Variants in WWOX observed in about 807,000 individuals in gnomAD.
The protein encoded by WWOX is WW domain containing oxidoreductase.
In WWOX, 69 loss-of-function variants were observed where a neutral mutation model predicts 46.2. That is an observed-to-expected ratio of 1.49 (90% CI 1.23 to 1.82). The LOEUF is 1.82. Ranked by LOEUF, WWOX falls within the 40% of genes most tolerant of loss-of-function variation. The pLI is 0.00. For missense variants in WWOX, 919 were observed against 542.6 expected, an observed-to-expected ratio of 1.69 and a Z score of -6.89; for synonymous variants, 359 against 202.6, an observed-to-expected ratio of 1.77 and a Z score of -6.56.
intron 8 of WWOX, among the ~76,000 whole-genome samples, chr16:78,688,194 A>G (rs2047905381): frequency 6.6e-6 from 1 of 151,940 alleles, no homozygotes; most frequent in East Asian, 1.9e-4. Context: ...TTGTGTAGAT[A>G]AAAGTGACAA....
At chr16:78,769,300 C>G (rs1001428283) in intron 8 of WWOX, among the ~76,000 whole-genome samples, 4 of 152,152 alleles carry the variant, frequency 2.6e-5, no homozygotes, top group African/African-American at 9.7e-5. Context: ...GTCTGTCCAT[C>G]CATCCATCCA....
intron 8 of WWOX, among the ~76,000 whole-genome samples, chr16:78,723,161 G>A (rs1053246995): frequency 1.3e-5 from 2 of 152,186 alleles, no homozygotes; most frequent in African/African-American, 4.8e-5. Flanking sequence ...GCTTGTGTTC[G>A]TTAATAGAAC....
intron 8 of WWOX, among the ~76,000 whole-genome samples, chr16:79,109,662 C>T (rs550893289): frequency 1.3e-5 from 2 of 152,272 alleles, no homozygotes; most frequent in African/African-American, 2.4e-5. Context: ...GGGTATTTCG[C>T]TCCAAGTTTG....
chr16:78,835,916 C>T (rs2051969015), intron 8 of WWOX, among the ~76,000 whole-genome samples: 4 of 152,140 alleles, frequency 2.6e-5, no homozygotes, highest in Admixed American at 6.5e-5. Flanking sequence ...GTTGTATCCT[C>T]AGATATATTT....
intron 6 of WWOX, among the ~76,000 whole-genome samples, chr16:78,395,661 A>T (rs1218515982): frequency 6.6e-6 from 1 of 152,242 alleles, no homozygotes; most frequent in East Asian, 1.9e-4. Flanking sequence ...TAGGGTGACA[A>T]GAGCCAAGAG....
chr16:78,938,066 A>C (rs2045778477), intron 8 of WWOX, among the ~76,000 whole-genome samples: 1 of 152,206 alleles, frequency 6.6e-6, no homozygotes, highest in African/African-American at 2.4e-5. Flanking sequence ...AAGTCTGGGC[A>C]GCCAGCAGCA....
intron 8 of WWOX, among the ~76,000 whole-genome samples, chr16:78,514,073 A>G (rs543687241): frequency 1.3e-5 from 2 of 152,316 alleles, no homozygotes; most frequent in South Asian, 2.1e-4. Context: ...TGTTAATAGA[A>G]TGACTCAAAA....
At chr16:78,662,255 C>T (rs891685622) in intron 8 of WWOX, among the ~76,000 whole-genome samples, 5 of 152,092 alleles carry the variant, frequency 3.3e-5, no homozygotes, top group African/African-American at 1.2e-4. Context: ...GCTATCTGTA[C>T]ATAGAAGAAT....
chr16:78,649,437 C>G (rs1217277309), intron 8 of WWOX, among the ~76,000 whole-genome samples: 5 of 151,966 alleles, frequency 3.3e-5, no homozygotes, highest in African/African-American at 7.3e-5. Context: ...GTGGGTACCA[C>G]CATACCCAGC....
intron 8 of WWOX, among the ~76,000 whole-genome samples, chr16:78,566,589 G>C (rs922731367): frequency 6.6e-6 from 1 of 152,188 alleles, no homozygotes. Context: ...TAAGTGCTCA[G>C]AGGCAGCCGG....
At position 78,840,298 on chromosome 16, in the gene WWOX, C is replaced by A. The variant is rs144073644; in HGVS notation, c.1057-371310C>A. The stretch of plus-strand genomic sequence containing the variant: ...CCTCTCTGTGCCTTGATTTCTTTCA[C>A]GTCTTGTTCTAGTTTTGAAGAGCGA... On this transcript the variant is annotated intron_variant, in intron 8 of 8. Coordinates refer to ENST00000566780, the MANE Select transcript of WWOX (RefSeq NM_016373.4). 9.7e-4 allele frequency among the ~76,000 whole-genome samples: 147 copies of A among 152,286 alleles called. 2 individuals are homozygous for A. The East Asian group carries it at 0.028, about 29-fold the overall frequency.
chr16:78,729,212 C>T (rs961132610), intron 8 of WWOX, among the ~76,000 whole-genome samples: 2 of 151,888 alleles, frequency 1.3e-5, no homozygotes, highest in African/African-American at 4.8e-5. Flanking sequence ...CATCGTGGTG[C>T]ATGCCTGTTG....
chr16:78,595,082 T>C (rs1051275332), intron 8 of WWOX, among the ~76,000 whole-genome samples: 1 of 152,154 alleles, frequency 6.6e-6, no homozygotes, highest in African/African-American at 2.4e-5. Flanking sequence ...GAAGCTGCCA[T>C]GCGCATGAGG....
intron 8 of WWOX, among the ~76,000 whole-genome samples, chr16:78,683,404 G>T (rs2047777017): frequency 6.6e-6 from 1 of 151,816 alleles, no homozygotes; most frequent in Non-Finnish European, 1.5e-5. Flanking sequence ...TTTAGGCGTG[G>T]TGGTGTGTGC....
chr16:78,226,976 C>CA (rs2037081695), intron 5 of WWOX, among the ~76,000 whole-genome samples: 5 of 151,894 alleles, frequency 3.3e-5, no homozygotes, highest in Admixed American at 3.3e-4. Flanking sequence ...AAAAAATAAG[C>CA]AAAAAAACAA....
intron 5 of WWOX, among the ~76,000 whole-genome samples, chr16:78,250,860 C>T (rs1033934569): frequency 6.6e-6 from 1 of 152,202 alleles, no homozygotes; most frequent in Non-Finnish European, 1.5e-5. Flanking sequence ...CACCCTCCCC[C>T]TAACAACCTC....
At chr16:78,799,808 G>T (rs890709342) in intron 8 of WWOX, among the ~76,000 whole-genome samples, 4 of 152,202 alleles carry the variant, frequency 2.6e-5, no homozygotes, top group Non-Finnish European at 4.4e-5. Flanking sequence ...TGGCTGTGTT[G>T]ACAGAAGCTG....
intron 5 of WWOX, among the ~76,000 whole-genome samples, chr16:78,272,066 T>C (rs1290630528): frequency 1.3e-5 from 2 of 152,214 alleles, no homozygotes; most frequent in East Asian, 3.8e-4. Context: ...TTCCAATTTA[T>C]GTATAGCCGC....
At chr16:78,523,336 T>A (rs1353789219) in intron 8 of WWOX, among the ~76,000 whole-genome samples, 1 of 152,252 alleles carries the variant, frequency 6.6e-6, no homozygotes, top group Admixed American at 6.5e-5. Flanking sequence ...TCCCCTGCTG[T>A]ACCCAGCAAA....
Sources: allele counts gnomAD v4.1 joint callset (sites outside exome capture counted in the v4.1 genomes callset), GRCh38; gene constraint gnomAD v4.1.1; transcripts MANE v1.5; gene names NCBI Gene and HGNC (gene_info 2026-07-23, HGNC 2026-07-21).